RASGRP3: variants seen among roughly 807,000 people sequenced by gnomAD.
The protein encoded by RASGRP3 is RAS guanyl releasing protein 3.
RASGRP3 carries 54 observed loss-of-function variants against 82.7 expected under a neutral mutation model. The observed-to-expected ratio is 0.65, with a 90% CI of 0.52 to 0.82. RASGRP3 has a LOEUF of 0.82. Ranked by LOEUF, RASGRP3 falls within the 40% of genes least tolerant of loss-of-function variation. The pLI is 0.00. For synonymous variants in RASGRP3, 309 were observed against 300.5 expected (o/e 1.03, Z -0.29); for missense variants, 861 against 828.9 (o/e 1.04, Z -0.48).
intron 2 of RASGRP3, among the ~76,000 whole-genome samples, chr2:33,514,624 G>C (rs975902433): frequency 6.6e-6 from 1 of 151,822 alleles, no homozygotes; most frequent in Non-Finnish European, 1.5e-5. Context: ...GGTCGAGGCT[G>C]CTGTGAGCCG....
chr2:33,515,622 G>A (rs1200224347), intron 3 of RASGRP3, among the ~76,000 whole-genome samples: 1 of 152,100 alleles, frequency 6.6e-6, no homozygotes, highest in Non-Finnish European at 1.5e-5. Flanking sequence ...CTCTGTAATT[G>A]TTTCTTGGTC....
intron 1 of RASGRP3, among the ~76,000 whole-genome samples, chr2:33,496,814 A>G (rs1669364020): frequency 6.6e-6 from 1 of 152,208 alleles, no homozygotes; most frequent in South Asian, 2.1e-4. Context: ...CCAAGATTGC[A>G]CCACTTCACT....
At chr2:33,551,693 T>TAA (rs1258293348) in intron 14 of RASGRP3, among the ~76,000 whole-genome samples, 3 of 151,136 alleles carry the variant, frequency 2.0e-5, no homozygotes, top group African/African-American at 7.3e-5. Flanking sequence ...AATATAATAA[T>TAA]AACAATAATA....
chr2:33,487,218 T>A (rs1668473715), intron 1 of RASGRP3, among the ~76,000 whole-genome samples: 1 of 152,166 alleles, frequency 6.6e-6, no homozygotes, highest in Non-Finnish European at 1.5e-5. Flanking sequence ...TAATAATAAT[T>A]CTTAACTATT....
chr2:33,479,321 TTTG>T (rs776736863), intron 1 of RASGRP3, among the ~76,000 whole-genome samples: 4 of 152,184 alleles, frequency 2.6e-5, no homozygotes, highest in Non-Finnish European at 5.9e-5. Context: ...AACCGGGAAC[TTTG>T]TTATTAACCT....
intron 10 of RASGRP3, among the ~76,000 whole-genome samples, chr2:33,529,923 T>C (rs922389645): frequency 6.6e-6 from 1 of 152,188 alleles, no homozygotes; most frequent in Admixed American, 6.5e-5. Flanking sequence ...ATCCTGTGTA[T>C]GAGTCACCAA....
At chr2:33,475,741 G>A (rs555764093), upstream of RASGRP3, among the ~76,000 whole-genome samples, 5 of 152,308 alleles carry the variant, frequency 3.3e-5, no homozygotes, top group South Asian at 1.0e-3. Flanking sequence ...CAGCTCAGGT[G>A]AGACATATGA....
chr2:33,490,201 C>A (rs1668731198), intron 1 of RASGRP3, among the ~76,000 whole-genome samples: 1 of 152,192 alleles, frequency 6.6e-6, no homozygotes, highest in Admixed American at 6.5e-5. Context: ...ATGTTCTCCT[C>A]ATCAGTGCAT....
chr2:33,495,726 TTAAAA>T (rs1257716893), intron 1 of RASGRP3, among the ~76,000 whole-genome samples: 1 of 151,190 alleles, frequency 6.6e-6, no homozygotes, highest in African/African-American at 2.4e-5. Flanking sequence ...ACTTCATCTC[TTAAAA>T]TAAAAAAAGA....
chr2:33,459,021 A>T (rs375097164), intron 2 of RASGRP3, among the ~76,000 whole-genome samples: 1 of 152,234 alleles, frequency 6.6e-6, no homozygotes, highest in Non-Finnish European at 1.5e-5. Flanking sequence ...GAAAAAATCT[A>T]ACATTTTTAA....
chr2:33,491,796 G>A (rs904903984), intron 1 of RASGRP3, among the ~76,000 whole-genome samples: 2 of 152,246 alleles, frequency 1.3e-5, no homozygotes, highest in South Asian at 2.1e-4. Flanking sequence ...TCTCTCAGCT[G>A]CCCTGCACTG....
chr2:33,508,034 T>C (rs924765556), intron 1 of RASGRP3, among the ~76,000 whole-genome samples: 1 of 152,148 alleles, frequency 6.6e-6, no homozygotes. Flanking sequence ...TCAGAAAGAT[T>C]TACTGATCCA....
intron 2 of RASGRP3, among the ~76,000 whole-genome samples, chr2:33,469,516 G>A (rs1181947956): frequency 1.3e-5 from 2 of 150,426 alleles, no homozygotes; most frequent in Non-Finnish European, 2.9e-5. Flanking sequence ...GCTGAGTGCA[G>A]TGGCGCGATC....
At chr2:33,469,216 C>G in intron 2 of RASGRP3, among the ~76,000 whole-genome samples, 1 of 151,824 alleles carries the variant, frequency 6.6e-6, no homozygotes. Context: ...GACCATTAAC[C>G]CTTTACCATA....
chr2:33,446,087 G>A (rs1005116355), intron 1 of RASGRP3, among the ~76,000 whole-genome samples: 10 of 152,136 alleles, frequency 6.6e-5, no homozygotes, highest in Admixed American at 6.6e-4. Context: ...GACAAAGTAC[G>A]ACTAGTTCTG....
At chr2:33,521,149 C>T (rs1671993732) in intron 6 of RASGRP3, among the ~76,000 whole-genome samples, 1 of 152,204 alleles carries the variant, frequency 6.6e-6, no homozygotes. Context: ...AAGTGATTCA[C>T]ATGCAAGCTT....
chr2:33,510,157 A>G (rs1292674524), intron 1 of RASGRP3, among the ~76,000 whole-genome samples: 1 of 152,226 alleles, frequency 6.6e-6, no homozygotes, highest in Non-Finnish European at 1.5e-5. Flanking sequence ...TTATGTAGTC[A>G]TTTATGCATA....
chr2:33,562,828 T>TATC lies in RASGRP3; in HGVS notation c.*92_*94dup, dbSNP rs1676834883. 10 of 1,503,398 alleles carry TATC rather than the reference T, an allele frequency of 6.7e-6. No individual in the cohort carries two copies. The highest frequency in any genetic ancestry group is 4.1e-5 in the African/African-American group (3 of 72,500). 93.1% of individuals were successfully genotyped at this position (1,503,398 alleles called of 1,614,324 possible). Reference sequence around the variant, plus strand: ...AAGAAAGCTCTGACTCTCAGGAAGTTATCTGGAAAGATACCTGGATGTTTA... The same window carrying TATC: ...AAGAAAGCTCTGACTCTCAGGAAGTTATCATCTGGAAAGATACCTGGATGTTTA... On this transcript the variant is annotated 3_prime_UTR_variant, in exon 18 of 18. Coordinates refer to ENST00000403687, the MANE Select transcript of RASGRP3 (RefSeq NM_001139488.2).
At position 33,563,190 on chromosome 2, in the gene RASGRP3, A is replaced by C. The variant is rs1676881658; in HGVS notation, c.*453A>C. ...GAGTTTATTTAGAGGGGTTTTTTTC[A>C]TTTTTTGTTTTTCTTGTTTTGTTTT... On this transcript the variant is annotated 3_prime_UTR_variant, in exon 18 of 18. Transcript: ENST00000403687. 1 of 132,016 alleles carries C rather than the reference A, an allele frequency of 7.6e-6. No homozygotes were observed. Among genetic ancestry groups the C allele is most frequent in the Non-Finnish European group, 1.5e-5 (1 of 66,174 alleles). 8.2% of individuals were successfully genotyped at this position (132,016 alleles called of 1,614,324 possible). A position where few individuals can be genotyped will look rare whatever the true frequency, so the allele number is the denominator to read the frequency against.
Sources: gnomAD v4.1 joint callset for allele counts (sites outside exome capture counted in the v4.1 genomes callset) on GRCh38, gnomAD v4.1.1 for gene constraint, MANE v1.5 for transcripts, NCBI Gene and HGNC (gene_info 2026-07-23, HGNC 2026-07-21) for gene names.